Variants in CADM2 observed in about 807,000 individuals in gnomAD.
CADM2 encodes cell adhesion molecule 2.
A neutral mutation model predicts 49.8 loss-of-function variants in CADM2; 12 were observed. The ratio of observed to expected loss-of-function variants is 0.24; its 90% CI spans 0.15 to 0.39. The LOEUF (loss-of-function observed/expected upper bound fraction) is 0.39, where lower values mean the gene tolerates loss of function less well. Among genes scored for constraint, CADM2 ranks in the 10% least tolerant of loss-of-function variants. The pLI is 1.00. For synonymous variants in CADM2, 214 were observed against 175.4 expected, an observed-to-expected ratio of 1.22 and a Z score of -1.74; for missense variants, 378 against 492.3, an observed-to-expected ratio of 0.77 and a Z score of 2.20.
intron 1 of CADM2, among the ~76,000 whole-genome samples, chr3:85,418,147 T>A (rs964762635): frequency 5.1e-4 from 78 of 152,236 alleles, no homozygotes; most frequent in African/African-American, 1.9e-3. Flanking sequence ...TAATATAAAT[T>A]AAAATTATGC....
At chr3:85,955,869 G>C (rs1184839982) in intron 7 of CADM2, among the ~76,000 whole-genome samples, 1 of 151,394 alleles carries the variant, frequency 6.6e-6, no homozygotes, top group Admixed American at 6.6e-5. Flanking sequence ...AACGCCTCAG[G>C]ATATTTGAGA....
Position 85,723,847 on chromosome 3 carries a change from G to A in CADM2, c.62-2675G>A, listed in dbSNP as rs546195966. Among the ~76,000 whole-genome samples the A allele has an allele frequency of 2.6e-5, 4 of 152,066 alleles. No homozygotes were observed. In the South Asian group the frequency reaches 8.3e-4, roughly 31 times the overall value. On this transcript the variant is annotated intron_variant, in intron 1 of 9. Transcript: ENST00000383699. ...TTATTATTGTTCCAAAACTTTATAA[G>A]GTTTTGGCATGTTTTCTTTGAATTC...
chr3:85,805,956 A>G (rs1309621335), intron 3 of CADM2, among the ~76,000 whole-genome samples: 1 of 152,198 alleles, frequency 6.6e-6, no homozygotes, highest in East Asian at 1.9e-4. Context: ...AGCCGTAGCT[A>G]CACAGTAAAA....
chr3:85,035,531 C>A (rs1052447953), intron 1 of CADM2, among the ~76,000 whole-genome samples: 1 of 152,060 alleles, frequency 6.6e-6, no homozygotes, highest in Non-Finnish European at 1.5e-5. Context: ...CCAAAGTTTT[C>A]TTGTAGTAGT....
At chr3:85,279,990 A>C (rs2043462021) in intron 1 of CADM2, among the ~76,000 whole-genome samples, 1 of 151,342 alleles carries the variant, frequency 6.6e-6, no homozygotes, top group Non-Finnish European at 1.5e-5. Context: ...GGTGGCCTTT[A>C]CTCATTGTTT....
intron 1 of CADM2, among the ~76,000 whole-genome samples, chr3:85,078,067 G>C (rs2107492454): frequency 6.6e-6 from 1 of 152,078 alleles, no homozygotes; most frequent in East Asian, 1.9e-4. Flanking sequence ...ATTATACGTG[G>C]AATGTATATG....
At chr3:85,826,058 A>G (rs1326788443) in intron 3 of CADM2, among the ~76,000 whole-genome samples, 1 of 152,048 alleles carries the variant, frequency 6.6e-6, no homozygotes, top group Admixed American at 6.6e-5. Context: ...TAGCAAGGAG[A>G]TTAGTTTTGT....
intron 1 of CADM2, among the ~76,000 whole-genome samples, chr3:85,122,947 T>C (rs1438239478): frequency 6.6e-6 from 1 of 152,136 alleles, no homozygotes; most frequent in African/African-American, 2.4e-5. Flanking sequence ...AGTGTTCACC[T>C]CTATCCTCTT....
At chr3:85,224,882 G>C (rs998071470) in intron 1 of CADM2, among the ~76,000 whole-genome samples, 1 of 151,998 alleles carries the variant, frequency 6.6e-6, no homozygotes, top group Non-Finnish European at 1.5e-5. Context: ...GCTTGTTTTT[G>C]TCAGGTTTGT....
At chr3:85,562,643 A>G (rs996816465) in intron 1 of CADM2, among the ~76,000 whole-genome samples, 11 of 152,158 alleles carry the variant, frequency 7.2e-5, no homozygotes, top group African/African-American at 2.7e-4. Flanking sequence ...AGCCCAATGT[A>G]AAATATACAT....
chr3:84,982,269 C>G (rs1212989887), intron 1 of CADM2, among the ~76,000 whole-genome samples: 1 of 152,000 alleles, frequency 6.6e-6, no homozygotes, highest in Non-Finnish European at 1.5e-5. Flanking sequence ...ATGAAATATT[C>G]ATTTGTGTTT....
intron 1 of CADM2, among the ~76,000 whole-genome samples, chr3:85,527,732 A>C (rs189100991): frequency 6.6e-6 from 1 of 152,318 alleles, no homozygotes; most frequent in East Asian, 1.9e-4. Flanking sequence ...ACAATGTCGA[A>C]AAAGCAGCAT....
At chr3:85,239,951 A>C (rs369520209) in intron 1 of CADM2, among the ~76,000 whole-genome samples, 1 of 151,482 alleles carries the variant, frequency 6.6e-6, no homozygotes, top group Admixed American at 6.6e-5. Flanking sequence ...GGCATTAATA[A>C]GTTATAATAT....
intron 1 of CADM2, among the ~76,000 whole-genome samples, chr3:85,378,637 C>T (rs1009896195): frequency 2.0e-5 from 3 of 151,734 alleles, no homozygotes; most frequent in African/African-American, 7.3e-5. Flanking sequence ...CATTTCTCAG[C>T]GAAAATGAAG....
At chr3:85,617,347 A>G (rs2063827831) in intron 1 of CADM2, among the ~76,000 whole-genome samples, 1 of 152,168 alleles carries the variant, frequency 6.6e-6, no homozygotes, top group African/African-American at 2.4e-5. Flanking sequence ...AGTTTATTAC[A>G]AAGATATTTT....
At chr3:85,134,621 C>T (rs2107616671) in intron 1 of CADM2, among the ~76,000 whole-genome samples, 1 of 152,130 alleles carries the variant, frequency 6.6e-6, no homozygotes, top group South Asian at 2.1e-4. Context: ...AACCTTTAGT[C>T]AAAATTCAAG....
rs1001328209 is a variant in CADM2 at position 85,908,733 on chromosome 3, T to C, written c.530-3640T>C. Among the ~76,000 whole-genome samples, 94 of 151,842 alleles carry C rather than the reference T, an allele frequency of 6.2e-4. 2 individuals carry two copies. Among genetic ancestry groups the C allele is most frequent in the Non-Finnish European group, 3.8e-4 (26 of 67,954 alleles). On this transcript the variant is annotated intron_variant, in intron 5 of 9. Transcript: ENST00000383699. ...TATAATAACTTACGGTTATGATTTTTTTTTTTTTTGAGATGGAATCTCACT... is the reference window on the plus strand; with the variant it reads ...TATAATAACTTACGGTTATGATTTTCTTTTTTTTTGAGATGGAATCTCACT...
At chr3:85,740,174 T>G (rs2107822603) in intron 2 of CADM2, among the ~76,000 whole-genome samples, 1 of 152,324 alleles carries the variant, frequency 6.6e-6, no homozygotes, top group East Asian at 1.9e-4. Context: ...TTTTGTTTTC[T>G]AAGGAATTTG....
intron 1 of CADM2, among the ~76,000 whole-genome samples, chr3:85,366,464 ACAATGCAGTCAGAATGTTGTTTTG>A (rs2032793471): frequency 2.0e-5 from 3 of 152,318 alleles, no homozygotes; most frequent in Admixed American, 1.3e-4. Flanking sequence ...AATAAATATG[ACAATGCAGTCAGAATGTTGTTTTG>A]TGAGGCTTGT....
Sources: gnomAD v4.1 joint callset for allele counts (sites outside exome capture counted in the v4.1 genomes callset) on GRCh38, gnomAD v4.1.1 for gene constraint, MANE v1.5 for transcripts, NCBI Gene and HGNC (gene_info 2026-07-23, HGNC 2026-07-21) for gene names.